The following NFAT5 variants were observed in gnomAD, a reference collection of about 807,000 sequenced individuals.
The protein encoded by NFAT5 is nuclear factor of activated T cells 5.
NFAT5 carries 31 observed loss-of-function variants against 166.5 expected under a neutral mutation model. That is an observed-to-expected ratio of 0.19 (90% CI 0.14 to 0.25). NFAT5 has a LOEUF of 0.25. Among genes scored for constraint, NFAT5 ranks in the 10% least tolerant of loss-of-function variants. NFAT5 has a pLI of 1.00. For missense variants in NFAT5, 1,449 were observed against 1,821.8 expected, an observed-to-expected ratio of 0.80 and a Z score of 3.72; for synonymous variants, 612 against 639.7, an observed-to-expected ratio of 0.96 and a Z score of 0.65.
In NFAT5 at chr16:69,626,465, G is replaced by A. The variant is rs762001685; in HGVS notation, c.190G>A (p.Ala64Thr). The change falls in exon 3 of 15, where the codon GCA (alanine) becomes ACA (threonine). Residue 64 changes from alanine (A) to threonine (T), a missense_variant. Ala to Thr is a moderately conservative substitution (Grantham distance 58, BLOSUM62 0). Coordinates refer to ENST00000349945, the MANE Select transcript of NFAT5 (RefSeq NM_138713.4). ...ACCTCCATCTAGAGAAACATCTGTA[G>A]CATCAATGAGTCAGACAAGCGGTGG... ...QLPPSRETSV[A>T]SMSQTSGGEA... The A allele has an allele frequency of 6.3e-7, 1 of 1,597,574 alleles. No homozygotes were observed. Among genetic ancestry groups the A allele is most frequent in the South Asian group, 1.1e-5 (1 of 87,910 alleles).
chr16:69,651,671 AT>A (rs5817673), intron 4 of NFAT5, among the ~76,000 whole-genome samples: 154 of 142,902 alleles, frequency 1.1e-3, no homozygotes, highest in Middle Eastern at 7.2e-3. Context: ...ACATACGTGA[AT>A]TTTTTTTTTT....
intron 2 of NFAT5, among the ~76,000 whole-genome samples, chr16:69,615,224 A>G (rs1346865095): frequency 3.3e-5 from 5 of 152,112 alleles, no homozygotes; most frequent in Middle Eastern, 6.8e-3. Flanking sequence ...GTATTTTACT[A>G]GAGACGACGT....
intron 2 of NFAT5, among the ~76,000 whole-genome samples, chr16:69,617,768 A>G (rs548398112): frequency 1.4e-4 from 22 of 152,148 alleles, no homozygotes; most frequent in Non-Finnish European, 2.9e-4. Context: ...CCTGGATTAC[A>G]GGCATGAGCC....
intron 11 of NFAT5, 53 bp from the exon 12 acceptor site, chr16:69,690,887 G>T: frequency 7.3e-7 from 1 of 1,374,438 alleles, no homozygotes; most frequent in South Asian, 1.9e-5. Context: ...GAATGAAATA[G>T]TTGGTAAATT....
At chr16:69,648,507 G>A in intron 4 of NFAT5, 1 of 984,680 alleles carries the variant, frequency 1.0e-6, no homozygotes, top group South Asian at 4.7e-5. Context: ...TTTAGAGGGT[G>A]ATGAAACAGG....
At chr16:69,618,143 A>G (rs1435731728) in intron 2 of NFAT5, among the ~76,000 whole-genome samples, 1 of 148,768 alleles carries the variant, frequency 6.7e-6, no homozygotes, top group Non-Finnish European at 1.5e-5. Flanking sequence ...GGGCAACAAC[A>G]GCGAAACTCC....
intron 2 of NFAT5, among the ~76,000 whole-genome samples, chr16:69,570,333 C>T (rs1331993534): frequency 2.0e-5 from 3 of 152,010 alleles, no homozygotes; most frequent in African/African-American, 7.2e-5. Flanking sequence ...CTAATCTGTG[C>T]CACCTCATTG....
intron 3 of NFAT5, among the ~76,000 whole-genome samples, chr16:69,629,752 C>T (rs915539971): frequency 3.4e-5 from 5 of 148,568 alleles, no homozygotes; most frequent in African/African-American, 9.9e-5. Flanking sequence ...TAAGTGCACA[C>T]TACCACACTG....
In NFAT5 at chr16:69,692,979, C is replaced by A; in HGVS notation, c.3154C>A (p.Gln1052Lys). ...ATCCACAAAAAGTATGATGAGTGTTCAGAATAGTGGTACCCAACAACAAGG... is the reference window on the plus strand; with the variant it reads ...ATCCACAAAAAGTATGATGAGTGTTAAGAATAGTGGTACCCAACAACAAGG... ...FSSTKSMMSV[Q>K]NSGTQQQGNG... Residue 1052 changes from glutamine (Q) to lysine (K), a missense_variant, in exon 13 of 15, where the codon CAG (glutamine) becomes AAG (lysine). Gln to Lys is a moderately conservative substitution (Grantham distance 53). Around this residue, in one of 7 missense-constraint regions of NFAT5, gnomAD observed 891 missense variants for 993.0 expected, o/e 0.90. Coordinates refer to ENST00000349945, the MANE Select transcript of NFAT5 (RefSeq NM_138713.4). 1 of 1,614,090 alleles carries A rather than the reference C, an allele frequency of 6.2e-7. No individual in the cohort carries two copies. The highest frequency in any genetic ancestry group is 1.7e-5 in the Admixed American group (1 of 60,024).
At chr16:69,668,041 A>G (rs1454484603) in intron 7 of NFAT5, among the ~76,000 whole-genome samples, 1 of 152,094 alleles carries the variant, frequency 6.6e-6, no homozygotes, top group Non-Finnish European at 1.5e-5. Flanking sequence ...ATCTCGGGTC[A>G]CTGCAACCTC....
At chr16:69,654,779 A>G (rs955216584) in intron 5 of NFAT5, among the ~76,000 whole-genome samples, 2 of 152,156 alleles carry the variant, frequency 1.3e-5, no homozygotes, top group Non-Finnish European at 1.5e-5. Context: ...TCATTATGAT[A>G]CCATTTTATA....
chr16:69,694,597 TCAC>T (rs1448216176), intron 13 of NFAT5, among the ~76,000 whole-genome samples: 1 of 152,230 alleles, frequency 6.6e-6, no homozygotes, highest in African/African-American at 2.4e-5. Flanking sequence ...TAGAACTCTA[TCAC>T]CTATAGACTA....
At chr16:69,650,614 A>G (rs1475636922) in intron 4 of NFAT5, among the ~76,000 whole-genome samples, 1 of 152,164 alleles carries the variant, frequency 6.6e-6, no homozygotes, top group Non-Finnish European at 1.5e-5. Flanking sequence ...AAGTGAGTAT[A>G]AAAACATGTC....
intron 5 of NFAT5, among the ~76,000 whole-genome samples, chr16:69,655,050 T>G (rs1038455220): frequency 3.3e-5 from 5 of 152,216 alleles, no homozygotes; most frequent in Non-Finnish European, 7.3e-5. Context: ...TAGATCCCCG[T>G]TTGAACTAGC....
chr16:69,565,987 G>GC lies in NFAT5; in HGVS notation c.-314dup, dbSNP rs2142877650. The GC allele has an allele frequency of 3.1e-6, 1 of 320,004 alleles. No homozygotes were observed. Among genetic ancestry groups the GC allele is most frequent in the Admixed American group, 5.5e-5 (1 of 18,266 alleles). 19.8% of individuals were successfully genotyped at this position (320,004 alleles called of 1,614,324 possible). On this transcript the variant is annotated 5_prime_UTR_variant, in exon 1 of 15. Transcript: ENST00000349945. The stretch of plus-strand genomic sequence containing the variant: ...GCTCAGATTCCTGTCAGCGGCGGCG[G>GC]CGGTGGCGGCGACCGTCAGTTTTCG...
intron 10 of NFAT5, among the ~76,000 whole-genome samples, chr16:69,684,343 G>A (rs1239329779): frequency 4.6e-5 from 7 of 150,616 alleles, no homozygotes; most frequent in South Asian, 4.2e-4. Flanking sequence ...GGTGAATCAC[G>A]AGGTCAGGAG....
At chr16:69,627,320 A>AG in intron 3 of NFAT5, among the ~76,000 whole-genome samples, 1 of 123,094 alleles carries the variant, frequency 8.1e-6, no homozygotes, top group Admixed American at 9.2e-5. Context: ...TAAAAAAAGG[A>AG]AACATATATA....
chr16:69,666,694 A>C (rs2036395740), intron 7 of NFAT5, among the ~76,000 whole-genome samples: 1 of 151,856 alleles, frequency 6.6e-6, no homozygotes, highest in African/African-American at 2.4e-5. Flanking sequence ...GAGGATGTGG[A>C]GAAATAGGAA....
intron 3 of NFAT5, among the ~76,000 whole-genome samples, chr16:69,638,231 A>G (rs115901570): frequency 0.044 from 6,691 of 152,076 alleles, 497 homozygotes; most frequent in African/African-American, 0.15. Flanking sequence ...AAACAAACAA[A>G]CAAGCAACAA....
Sources: allele counts gnomAD v4.1 joint callset (sites outside exome capture counted in the v4.1 genomes callset), GRCh38; gene constraint gnomAD v4.1.1; regional missense constraint gnomAD v4.1.1; transcripts MANE v1.5; gene names NCBI Gene and HGNC (gene_info 2026-07-23, HGNC 2026-07-21).